Variants in SLC7A2 observed in about 807,000 individuals in gnomAD.
SLC7A2 encodes the protein solute carrier family 7 member 2.
Under a neutral mutation model 58.9 loss-of-function variants are expected in SLC7A2, and 48 were observed. The ratio of observed to expected loss-of-function variants is 0.82; its 90% CI spans 0.65 to 1.04. The LOEUF (loss-of-function observed/expected upper bound fraction) is 1.04, where lower values mean the gene tolerates loss of function less well. Ranked by LOEUF, SLC7A2 falls within the 50% of genes least tolerant of loss-of-function variation. The pLI is 0.00. For missense variants in SLC7A2, 1,029 were observed against 818.8 expected (o/e 1.26, Z -3.13); for synonymous variants, 363 against 314.5 (o/e 1.15, Z -1.63).
chr8:17,564,435 C>T (rs1296517690), intron 12 of SLC7A2, among the ~76,000 whole-genome samples: 19 of 152,132 alleles, frequency 1.2e-4, no homozygotes, highest in Admixed American at 6.5e-4. Flanking sequence ...ATCAAGGACA[C>T]CTTCTGTGGG....
At chr8:17,531,187 T>C (rs1394746164) in intron 2 of SLC7A2, among the ~76,000 whole-genome samples, 1 of 152,206 alleles carries the variant, frequency 6.6e-6, no homozygotes, top group East Asian at 1.9e-4. Context: ...GAAGGTCAGA[T>C]GAAACTCCTC....
intron 2 of SLC7A2, among the ~76,000 whole-genome samples, chr8:17,529,524 GTTTTTTTGT>G (rs1250284280): frequency 4.1e-5 from 5 of 120,836 alleles, no homozygotes; most frequent in South Asian, 2.7e-4. Flanking sequence ...TTTTGGTTTT[GTTTTTTTGT>G]TTTTTTTTTT....
chr8:17,520,753 G>A (rs1354820531), intron 2 of SLC7A2: 1 of 937,728 alleles, frequency 1.1e-6, no homozygotes, highest in Non-Finnish European at 1.3e-6. Context: ...ACCTTGAGAG[G>A]AATAAAAGGG....
chr8:17,507,780 A>G (rs1800432998), intron 2 of SLC7A2, among the ~76,000 whole-genome samples: 1 of 152,218 alleles, frequency 6.6e-6, no homozygotes, highest in South Asian at 2.1e-4. Flanking sequence ...ATGAGCTATT[A>G]AATTATTTTT....
At chr8:17,507,015 G>A (rs1313021792) in intron 2 of SLC7A2, among the ~76,000 whole-genome samples, 7 of 150,844 alleles carry the variant, frequency 4.6e-5, no homozygotes, top group Non-Finnish European at 8.8e-5. Flanking sequence ...TGCAATCTTG[G>A]CTCACTGCAA....
intron 7 of SLC7A2, among the ~76,000 whole-genome samples, chr8:17,553,173 C>T (rs1563475596): frequency 1.3e-5 from 2 of 152,090 alleles, no homozygotes; most frequent in African/African-American, 4.8e-5. Flanking sequence ...CCAGTTCAGC[C>T]TCCTGAGTAG....
Position 17,565,556 on chromosome 8 carries a change from A to G in SLC7A2, c.*410A>G, listed in dbSNP as rs7842456. The G allele has an allele frequency of 0.12, 18,554 of 157,990 alleles. 2,315 individuals are homozygous for G. The highest frequency in any genetic ancestry group is 0.31 in the African/African-American group (13,042 of 41,640). The allele number at this position is 157,990 out of a possible 1,614,324, so 9.8% of individuals were successfully genotyped here. The stretch of plus-strand genomic sequence containing the variant: ...AAATCACTGAATGTAAAGAGGTTTC[A>G]TCTATGCCCCCTGCAGTTGGGGAAA... On this transcript the variant is annotated 3_prime_UTR_variant, in exon 13 of 13. Transcript: ENST00000494857.
At chr8:17,527,752 C>A (rs1801277007) in intron 2 of SLC7A2, among the ~76,000 whole-genome samples, 1 of 152,262 alleles carries the variant, frequency 6.6e-6, no homozygotes, top group African/African-American at 2.4e-5. Flanking sequence ...ATAAGGACAC[C>A]AGTGTTACTG....
intron 8 of SLC7A2, among the ~76,000 whole-genome samples, chr8:17,555,310 G>C (rs879107285): frequency 1.3e-5 from 2 of 151,598 alleles, no homozygotes; most frequent in Non-Finnish European, 2.9e-5. Context: ...TTACTGTTTT[G>C]TTATTTTAAT....
At chr8:17,529,499 G>C (rs968089589) in intron 2 of SLC7A2, among the ~76,000 whole-genome samples, 3 of 151,452 alleles carry the variant, frequency 2.0e-5, no homozygotes, top group African/African-American at 7.3e-5. Flanking sequence ...CTCTACGGAG[G>C]GACATTTTCT....
At chr8:17,539,386 CAG>C (rs1015396989) in intron 2 of SLC7A2, among the ~76,000 whole-genome samples, 7 of 152,186 alleles carry the variant, frequency 4.6e-5, no homozygotes, top group African/African-American at 1.4e-4. Flanking sequence ...GAAAATCATT[CAG>C]AGACTTTTCT....
intron 2 of SLC7A2, among the ~76,000 whole-genome samples, chr8:17,526,264 G>A (rs1171101843): frequency 6.6e-6 from 1 of 152,152 alleles, no homozygotes; most frequent in Non-Finnish European, 1.5e-5. Context: ...AAAGTAAAAA[G>A]TATGGGTTTG....
intron 2 of SLC7A2, among the ~76,000 whole-genome samples, chr8:17,524,419 TGTACACACACAC>T (rs1322795772): frequency 1.1e-4 from 15 of 139,430 alleles, no homozygotes; most frequent in South Asian, 6.7e-4. Context: ...TGTGTGTGTG[TGTACACACACAC>T]ACACACACAC....
intron 2 of SLC7A2, among the ~76,000 whole-genome samples, chr8:17,513,119 G>C (rs772465591): frequency 2.0e-5 from 3 of 152,184 alleles, no homozygotes; most frequent in Non-Finnish European, 4.4e-5. Context: ...TGTGAACGTG[G>C]CTGTGCAAAT....
At chr8:17,562,315 C>T (rs1332706677) in intron 11 of SLC7A2, among the ~76,000 whole-genome samples, 7 of 149,936 alleles carry the variant, frequency 4.7e-5, no homozygotes, top group African/African-American at 1.2e-4. Context: ...AAGCACTTCT[C>T]CTGCCTCGGA....
intron 2 of SLC7A2, chr8:17,511,221 A>T (rs1800591370): frequency 6.6e-6 from 1 of 152,198 alleles, no homozygotes; most frequent in East Asian, 1.9e-4. Context: ...CTACGTAGCA[A>T]AGCTGCACAT....
chr8:17,555,958 G>A (rs1035987585), intron 8 of SLC7A2, among the ~76,000 whole-genome samples: 5 of 152,154 alleles, frequency 3.3e-5, no homozygotes, highest in Admixed American at 6.5e-5. Flanking sequence ...TGACAATTTC[G>A]TTGAGGCTCT....
intron 2 of SLC7A2, among the ~76,000 whole-genome samples, chr8:17,537,272 G>C (rs978195281): frequency 6.6e-6 from 1 of 152,002 alleles, no homozygotes; most frequent in African/African-American, 2.4e-5. Context: ...GGTCAGGCTG[G>C]TCTCAAAACT....
rs572223296 is a variant in SLC7A2 at position 17,499,490 on chromosome 8, A to T, written c.-69+2253A>T. On this transcript the variant is annotated intron_variant, in intron 1 of 12. Coordinates refer to ENST00000494857, the MANE Select transcript of SLC7A2 (RefSeq NM_001370338.1). ...GTGCCCTTTGGTGGACAACTTTCAG[A>T]ACAGAATCTTGGGAGCACCTTCATG... is the stretch of plus-strand genomic sequence containing the variant. 5.3e-5 allele frequency among the ~76,000 whole-genome samples: 8 copies of T among 151,318 alleles called. No homozygotes were observed. In the South Asian group the frequency reaches 1.7e-3, roughly 32 times the overall value.
Sources: allele counts gnomAD v4.1 joint callset (sites outside exome capture counted in the v4.1 genomes callset), GRCh38; gene constraint gnomAD v4.1.1; transcripts MANE v1.5; gene names NCBI Gene and HGNC (gene_info 2026-07-23, HGNC 2026-07-21).